Variants in NKTR observed in about 807,000 individuals in gnomAD.
The protein encoded by NKTR is natural killer cell triggering receptor.
A neutral mutation model predicts 156.3 loss-of-function variants in NKTR; 67 were observed. The ratio of observed to expected loss-of-function variants is 0.43; its 90% CI spans 0.35 to 0.53. NKTR has a LOEUF of 0.53. Among genes scored for constraint, NKTR ranks in the 20% least tolerant of loss-of-function variants. The pLI is 0.01. For missense variants in NKTR, 1,604 were observed against 1,730.9 expected, an observed-to-expected ratio of 0.93 and a Z score of 1.30; for synonymous variants, 640 against 596.6, an observed-to-expected ratio of 1.07 and a Z score of -1.06.
At chr3:42,617,543 A>AT (rs768408974) in intron 2 of NKTR, 27 bp from the exon 3 acceptor site, 9 of 1,283,048 alleles carry the variant, frequency 7.0e-6, no homozygotes, top group East Asian at 2.3e-5. Flanking sequence ...CTTGCTTACT[A>AT]TTTTTTTCCT....
rs1188329530 is a variant in NKTR, at chr3:42,638,317, T to C, written c.2613T>C (p.Asn871=). The part of the protein sequence containing the change: ...LKENLSDHLR[N]GSKPKRKNYA... ...AGAATCTTTCTGATCACCTTAGAAA[T>C]GGCAGTAAGCCCAAAAGGAAGAATT... The change falls in exon 13 of 17, where the codon AAT becomes AAC. Residue 871 remains asparagine, a synonymous_variant. Transcript: ENST00000232978. The C allele has an allele frequency of 1.9e-6, 3 of 1,610,240 alleles. No homozygotes were observed. The highest frequency in any genetic ancestry group is 2.5e-6 in the Non-Finnish European group (3 of 1,179,046).
At chr3:42,619,797 A>G in intron 5 of NKTR, 89 bp downstream of exon 5, 1 of 1,552,380 alleles carries the variant, frequency 6.4e-7, no homozygotes, top group East Asian at 2.3e-5. Flanking sequence ...AGGTTTACTT[A>G]TAGTTCACTT....
At chr3:42,626,255 TATG>T (rs1313417216) in intron 6 of NKTR, among the ~76,000 whole-genome samples, 1 of 152,126 alleles carries the variant, frequency 6.6e-6, no homozygotes, top group African/African-American at 2.4e-5. Context: ...TCAATGCCTT[TATG>T]ATAATTTTAA....
chr3:42,628,360 A>G, intron 6 of NKTR: 1 of 985,300 alleles, frequency 1.0e-6, no homozygotes, highest in Non-Finnish European at 1.2e-6. Flanking sequence ...ATTAAAAACT[A>G]AACTTGAATG....
chr3:42,639,453 T>C lies in NKTR; in HGVS notation c.3749T>C (p.Val1250Ala). The change falls in exon 13 of 17, where the codon GTG becomes GCG. Residue 1250 changes from valine to alanine, a missense_variant. Val to Ala is a moderately conservative substitution (Grantham distance 64, BLOSUM62 0). Coordinates refer to ENST00000232978, the MANE Select transcript of NKTR (RefSeq NM_005385.4). ...ACATCCAGTGCTGTGGAAGTTAAGGTGTTGACCACTGTGCCTGAAATGAAA... is the reference window on the plus strand; with the variant it reads ...ACATCCAGTGCTGTGGAAGTTAAGGCGTTGACCACTGTGCCTGAAATGAAA... ...AATSSAVEVK[V>A]LTTVPEMKPQ... The C allele has an allele frequency of 6.2e-7, 1 of 1,614,204 alleles. No homozygotes were observed. The highest frequency in any genetic ancestry group is 8.5e-7 in the Non-Finnish European group (1 of 1,180,034).
chr3:42,611,239 A>C (rs1167478167), intron 2 of NKTR: 3 of 152,172 alleles, frequency 2.0e-5, no homozygotes, highest in Non-Finnish European at 4.4e-5. Flanking sequence ...TACTATCTGC[A>C]GGAAACCTTT....
At chr3:42,623,877 C>T (rs998570479) in intron 6 of NKTR, 4 of 152,098 alleles carry the variant, frequency 2.6e-5, no homozygotes, top group African/African-American at 9.7e-5. Context: ...ATAGTTCCTG[C>T]TTTATAGGCT....
intron 2 of NKTR, among the ~76,000 whole-genome samples, chr3:42,610,364 T>G (rs1244068264): frequency 6.6e-6 from 1 of 152,218 alleles, no homozygotes; most frequent in Non-Finnish European, 1.5e-5. Flanking sequence ...CAACTACTTT[T>G]GACTTGTTTC....
At chr3:42,626,413 A>C (rs2125795313) in intron 6 of NKTR, among the ~76,000 whole-genome samples, 1 of 152,238 alleles carries the variant, frequency 6.6e-6, no homozygotes, top group South Asian at 2.1e-4. Context: ...TGTTCTCCAA[A>C]AAAAAATCTT....
chr3:42,625,892 T>C (rs1054737655), intron 6 of NKTR, among the ~76,000 whole-genome samples: 1 of 152,174 alleles, frequency 6.6e-6, no homozygotes, highest in Non-Finnish European at 1.5e-5. Context: ...TATCTAGTAA[T>C]GTTTGGTGTG....
rs752242451 is a variant in NKTR, at chr3:42,638,023, TAGC to T, written c.2326_2328del (p.Ser777del). ...AAAATAGCGTTTCACATAAAAAGCATAGCAGCAGCTCTGAAAAGACACTTCACA... is the reference window on the plus strand; with the variant it reads ...AAAATAGCGTTTCACATAAAAAGCATAGCAGCTCTGAAAAGACACTTCACA... On this transcript the variant is annotated inframe_deletion, in exon 13 of 17. Transcript: ENST00000232978. The T allele has an allele frequency of 7.4e-6, 12 of 1,614,078 alleles. No homozygotes were observed. In the East Asian group the frequency reaches 1.1e-4, roughly 15 times the overall value.
intron 2 of NKTR, among the ~76,000 whole-genome samples, chr3:42,614,341 T>C (rs1046436119): frequency 4.6e-5 from 7 of 152,204 alleles, no homozygotes; most frequent in Non-Finnish European, 1.0e-4. Flanking sequence ...AACTACAGCT[T>C]AATTTTTTTA....
Position 42,639,069 on chromosome 3 carries a change from T to C in NKTR, c.3365T>C (p.Val1122Ala). ...AGTGTTCCCAATGGAGTGGAAGATGTGCTTCAAACAGATGACAACATGGAG... is the reference window on the plus strand; with the variant it reads ...AGTGTTCCCAATGGAGTGGAAGATGCGCTTCAAACAGATGACAACATGGAG... ...EESVPNGVED[V>A]LQTDDNMEIC... The change falls in exon 13 of 17, where the codon GTG becomes GCG. Residue 1122 changes from valine (V) to alanine (A), a missense_variant. By Grantham distance (64) the Val-to-Ala change is moderately conservative. Around this residue, in one of 6 missense-constraint regions of NKTR, gnomAD observed 1,255 missense variants for 1,243.7 expected, o/e 1.01. Transcript: ENST00000232978. 6.2e-7 allele frequency: 1 copy of C among 1,614,148 alleles called. No homozygotes were observed. The highest frequency in any genetic ancestry group is 8.5e-7 in the Non-Finnish European group (1 of 1,180,014).
In NKTR at chr3:42,639,328, C is replaced by CGGGAAGAA; in HGVS notation, c.3627_3634dup (p.Glu1212GlyfsTer43). 6.2e-7 allele frequency: 1 copy of CGGGAAGAA among 1,613,966 alleles called. No homozygotes were observed. Among genetic ancestry groups the CGGGAAGAA allele is most frequent in the Non-Finnish European group, 8.5e-7 (1 of 1,179,988 alleles). On this transcript the variant is annotated frameshift_variant, in exon 13 of 17. Transcript: ENST00000232978. LOFTEE classifies it high-confidence loss of function. ...GCTTGGCTAGTGCTGGAGAAAGTAC[C>CGGGAAGAA]GGGAAGAAGGAGGTGGCTGAGAAGA...
At chr3:42,640,754 C>T (rs1709818884) in intron 13 of NKTR, among the ~76,000 whole-genome samples, 1 of 152,178 alleles carries the variant, frequency 6.6e-6, no homozygotes, top group Non-Finnish European at 1.5e-5. Context: ...AGTACCATGG[C>T]GTATTTTCAG....
intron 7 of NKTR, chr3:42,630,940 T>A: frequency 5.0e-6 from 7 of 1,392,378 alleles, no homozygotes; most frequent in Non-Finnish European, 6.5e-6. Flanking sequence ...TACCCTAAAA[T>A]GGTTAAGAAC....
intron 6 of NKTR, chr3:42,629,197 A>G (rs958277152): frequency 6.9e-5 from 68 of 984,728 alleles, no homozygotes; most frequent in Non-Finnish European, 7.6e-5. Flanking sequence ...GTGGCTCACT[A>G]ATTCACTAGA....
intron 2 of NKTR, among the ~76,000 whole-genome samples, chr3:42,611,888 C>T (rs951367463): frequency 6.6e-6 from 1 of 152,112 alleles, no homozygotes; most frequent in Non-Finnish European, 1.5e-5. Context: ...TGCCTTCCTC[C>T]AACTGAAATT....
At chr3:42,609,139 A>AG (rs1553656425) in intron 2 of NKTR, among the ~76,000 whole-genome samples, 4 of 151,526 alleles carry the variant, frequency 2.6e-5, no homozygotes, top group South Asian at 4.2e-4. Context: ...AAAAAAAAAA[A>AG]AAGAAGAAAG....
Sources: allele counts gnomAD v4.1 joint callset (sites outside exome capture counted in the v4.1 genomes callset), GRCh38; gene constraint gnomAD v4.1.1; regional missense constraint gnomAD v4.1.1; transcripts MANE v1.5; gene names NCBI Gene and HGNC (gene_info 2026-07-23, HGNC 2026-07-21).